Variants in NRG3 observed in about 807,000 individuals in gnomAD.
NRG3 encodes the protein neuregulin 3, also known as pro-neuregulin-3, membrane-bound isoform.
Under a neutral mutation model 66.9 loss-of-function variants are expected in NRG3, and 31 were observed. The observed-to-expected ratio is 0.46, with a 90% CI of 0.35 to 0.63. The LOEUF is 0.63. Among genes scored for constraint, NRG3 ranks in the 20% least tolerant of loss-of-function variants. The pLI, the probability that NRG3 is intolerant of heterozygous loss-of-function variation, is 0.00. For synonymous variants in NRG3, 393 were observed against 359.4 expected (o/e 1.09, Z -1.06); for missense variants, 910 against 878.9 (o/e 1.04, Z -0.45).
At position 82,613,125 on chromosome 10, in the gene NRG3, A is replaced by G. The variant is rs141212112; in HGVS notation, c.954-125452A>G. Reference sequence around the variant, plus strand: ...AAGAAAAATCTTGTATCCAATTAGAAATAAACATTCTGTAAGAATATAACT... The same window carrying G: ...AAGAAAAATCTTGTATCCAATTAGAGATAAACATTCTGTAAGAATATAACT... On this transcript the variant is annotated intron_variant, in intron 2 of 8. Transcript: ENST00000372141. 7.0e-4 allele frequency among the ~76,000 whole-genome samples: 107 copies of G among 152,324 alleles called. 1 individual carries two copies. Among genetic ancestry groups the G allele is most frequent in the African/African-American group, 2.5e-3 (103 of 41,582 alleles).
chr10:82,324,173 T>G (rs1212904940), intron 1 of NRG3, among the ~76,000 whole-genome samples: 1 of 152,168 alleles, frequency 6.6e-6, no homozygotes, highest in East Asian at 1.9e-4. Flanking sequence ...CCAAGTAATT[T>G]TTCTGTTTCA....
intron 2 of NRG3, among the ~76,000 whole-genome samples, chr10:82,573,772 A>C (rs766253899): frequency 1.3e-5 from 2 of 151,812 alleles, no homozygotes; most frequent in Non-Finnish European, 2.9e-5. Context: ...TTTATGCCAG[A>C]CAAAATGGAA....
intron 2 of NRG3, among the ~76,000 whole-genome samples, chr10:82,602,668 T>C (rs899606811): frequency 6.6e-5 from 10 of 152,032 alleles, no homozygotes; most frequent in African/African-American, 1.4e-4. Flanking sequence ...TTGAATGAGA[T>C]CATATATGAA....
intron 2 of NRG3, among the ~76,000 whole-genome samples, chr10:82,473,055 C>G (rs1372227568): frequency 6.6e-6 from 1 of 152,172 alleles, no homozygotes; most frequent in Non-Finnish European, 1.5e-5. Context: ...ATACCAACTT[C>G]AGGAAAATTA....
chr10:82,461,291 A>G (rs988480589), intron 2 of NRG3, among the ~76,000 whole-genome samples: 6 of 151,872 alleles, frequency 4.0e-5, no homozygotes, highest in Non-Finnish European at 8.8e-5. Flanking sequence ...CATTGTGACA[A>G]CTATCATCAT....
intron 2 of NRG3, among the ~76,000 whole-genome samples, chr10:82,628,255 G>A (rs61865471): frequency 0.038 from 5,714 of 152,232 alleles, 138 homozygotes; most frequent in Non-Finnish European, 0.057. Context: ...AAACATTGCC[G>A]TTAGGCTTTT....
chr10:82,218,129 T>C (rs1441066737), intron 1 of NRG3, among the ~76,000 whole-genome samples: 1 of 152,212 alleles, frequency 6.6e-6, no homozygotes, highest in African/African-American at 2.4e-5. Flanking sequence ...TTAATCTACA[T>C]GTGAGATATC....
At chr10:82,673,082 C>T (rs2053416343) in intron 2 of NRG3, among the ~76,000 whole-genome samples, 1 of 152,178 alleles carries the variant, frequency 6.6e-6, no homozygotes, top group South Asian at 2.1e-4. Context: ...TTGCTGTTTC[C>T]TCCCACATCC....
chr10:82,627,201 T>G (rs955635029), intron 2 of NRG3, among the ~76,000 whole-genome samples: 8 of 152,094 alleles, frequency 5.3e-5, no homozygotes, highest in African/African-American at 1.9e-4. Flanking sequence ...CCTGCCATGG[T>G]TTCCTTCCAG....
chr10:82,783,594 A>T (rs1422041819), intron 3 of NRG3, among the ~76,000 whole-genome samples: 1 of 152,090 alleles, frequency 6.6e-6, no homozygotes, highest in East Asian at 1.9e-4. Context: ...TCATGAGTGA[A>T]CTCCCATTCA....
chr10:82,551,307 A>T (rs1254954088), intron 2 of NRG3, among the ~76,000 whole-genome samples: 1 of 152,172 alleles, frequency 6.6e-6, no homozygotes, highest in African/African-American at 2.4e-5. Flanking sequence ...TATTTTTAAC[A>T]TTTGTTACAT....
At chr10:82,598,706 T>C (rs547265409) in intron 2 of NRG3, among the ~76,000 whole-genome samples, 4 of 152,276 alleles carry the variant, frequency 2.6e-5, no homozygotes, top group Non-Finnish European at 5.9e-5. Context: ...TCTGGTGACT[T>C]TGATAAGAGC....
chr10:82,899,772 A>G (rs1260657778), intron 4 of NRG3, among the ~76,000 whole-genome samples: 1 of 152,216 alleles, frequency 6.6e-6, no homozygotes, highest in African/African-American at 2.4e-5. Context: ...AAAAATTTAA[A>G]TCAGACAAAC....
At chr10:82,189,815 T>C (rs1421424810) in intron 1 of NRG3, among the ~76,000 whole-genome samples, 2 of 149,156 alleles carry the variant, frequency 1.3e-5, no homozygotes, top group Non-Finnish European at 3.0e-5. Context: ...ATAAATAAAT[T>C]AGCCAGATGT....
intron 2 of NRG3, among the ~76,000 whole-genome samples, chr10:82,737,331 T>C (rs1409506781): frequency 1.3e-5 from 2 of 152,116 alleles, no homozygotes; most frequent in African/African-American, 2.4e-5. Context: ...CAATGAAAGA[T>C]AGAAAAATTA....
chr10:82,072,693 C>CT (rs11379230), intron 1 of NRG3, among the ~76,000 whole-genome samples: 123,957 of 149,980 alleles, frequency 0.83, 51,305 homozygotes, highest in South Asian at 0.9. Flanking sequence ...TTATAGATGA[C>CT]TTTTTTTTTG....
intron 3 of NRG3, among the ~76,000 whole-genome samples, chr10:82,746,040 C>A (rs370242926): frequency 2.4e-4 from 36 of 152,106 alleles, no homozygotes; most frequent in African/African-American, 8.7e-4. Context: ...AAATGCCTGC[C>A]ACCACACTCA....
At chr10:82,888,432 A>C (rs962953603) in intron 4 of NRG3, among the ~76,000 whole-genome samples, 3 of 152,216 alleles carry the variant, frequency 2.0e-5, no homozygotes, top group African/African-American at 7.2e-5. Flanking sequence ...TGCCTCGTGA[A>C]GCTCCAAGGG....
chr10:82,094,966 C>T (rs1365769025), intron 1 of NRG3, among the ~76,000 whole-genome samples: 2 of 152,132 alleles, frequency 1.3e-5, no homozygotes, highest in Non-Finnish European at 2.9e-5. Context: ...ACACTAAAAG[C>T]CCTGACTTGA....
Sources: gnomAD v4.1 joint callset for allele counts (sites outside exome capture counted in the v4.1 genomes callset) on GRCh38, gnomAD v4.1.1 for gene constraint, MANE v1.5 for transcripts, NCBI Gene and HGNC (gene_info 2026-07-23, HGNC 2026-07-21) for gene names.